RUNX1: variants seen among roughly 807,000 people sequenced by gnomAD.
The protein encoded by RUNX1 is runt-related transcription factor 1.
A neutral mutation model predicts 42.8 loss-of-function variants in RUNX1; 19 were observed. The observed-to-expected ratio is 0.44, with a 90% CI of 0.31 to 0.65. RUNX1 has a LOEUF of 0.65. RUNX1 is among the 30% of genes least tolerant of loss of function. The pLI, the probability that RUNX1 is intolerant of heterozygous loss-of-function variation, is 0.07. For synonymous variants in RUNX1, 271 were observed against 289.4 expected (o/e 0.94, Z 0.64); for missense variants, 528 against 672.0 (o/e 0.79, Z 2.37).
At chr21:34,933,286 T>G (rs1025716122) in intron 2 of RUNX1, among the ~76,000 whole-genome samples, 18 of 152,350 alleles carry the variant, frequency 1.2e-4, no homozygotes, top group South Asian at 8.3e-4. Context: ...TGCGTCCTTG[T>G]TACATGCTAC....
chr21:34,869,833 C>T (rs559638131), intron 5 of RUNX1, among the ~76,000 whole-genome samples: 1 of 152,054 alleles, frequency 6.6e-6, no homozygotes, highest in Non-Finnish European at 1.5e-5. Context: ...TGTAACCCAG[C>T]GACAGGACAA....
rs1006866597 is a variant in RUNX1 at position 34,843,602 on chromosome 21, G to T, written c.614-9001C>A. 2.6e-5 allele frequency among the ~76,000 whole-genome samples: 4 copies of T among 152,154 alleles called. No homozygotes were observed. The highest frequency in any genetic ancestry group is 9.7e-5 in the African/African-American group (4 of 41,424). On this transcript the variant is annotated intron_variant, in intron 6 of 8. Coordinates refer to ENST00000675419, the MANE Select transcript of RUNX1 (RefSeq NM_001754.5). The surrounding 1 kb of genome is among the most constrained non-coding windows in gnomAD (Gnocchi z 4.8). ...CAAGCAACAGTCAATGGACAGGAAA[G>T]GCTGGCCAACGCCAAGGCAAGATCA...
At chr21:34,900,298 G>T (rs1368492428) in intron 2 of RUNX1, among the ~76,000 whole-genome samples, 1 of 152,134 alleles carries the variant, frequency 6.6e-6, no homozygotes, top group Non-Finnish European at 1.5e-5. Flanking sequence ...ATTGCAAGTG[G>T]TCAATACTCA....
intron 2 of RUNX1, among the ~76,000 whole-genome samples, chr21:35,002,226 C>T (rs1047082036): frequency 2.0e-5 from 3 of 151,848 alleles, no homozygotes; most frequent in Non-Finnish European, 4.4e-5. Flanking sequence ...CAGACATTAG[C>T]ATGGCTCCCA....
chr21:34,923,525 A>G (rs914629602), intron 2 of RUNX1, among the ~76,000 whole-genome samples: 12 of 152,212 alleles, frequency 7.9e-5, no homozygotes, highest in African/African-American at 2.9e-4. Context: ...TGTTACTTAA[A>G]AAAAGTCCAA....
intron 3 of RUNX1, chr21:34,889,651 C>G (rs1458866821): frequency 9.0e-7 from 1 of 1,115,624 alleles, no homozygotes; most frequent in South Asian, 2.3e-5. Flanking sequence ...CCCGTGCGCT[C>G]GAGCGGCCCC....
At chr21:34,875,739 C>T (rs1314028205) in intron 5 of RUNX1, among the ~76,000 whole-genome samples, 1 of 152,160 alleles carries the variant, frequency 6.6e-6, no homozygotes, top group African/African-American at 2.4e-5. Flanking sequence ...ACAACCGCTA[C>T]ATAAAGCCAA....
chr21:34,865,566 A>C (rs1336035040), intron 5 of RUNX1, among the ~76,000 whole-genome samples: 1 of 152,174 alleles, frequency 6.6e-6, no homozygotes, highest in African/African-American at 2.4e-5. Context: ...AAGAAGGTCA[A>C]GGGGTGAGTC....
chr21:34,948,606 C>A (rs968072210), intron 2 of RUNX1, among the ~76,000 whole-genome samples: 1 of 152,132 alleles, frequency 6.6e-6, no homozygotes, highest in Admixed American at 6.5e-5. Flanking sequence ...TGATGGTCTA[C>A]CCTTCCCTAA....
rs772880673 is a variant in RUNX1 at position 34,826,434 on chromosome 21, CTTTTTTTTTTT to C, written c.805+7965_805+7975del. ...TAAATTTCTTTTGTTTTCTTTCTTT[CTTTTTTTTTTT>C]TTTTTTTTTTGAGACAGAATCTCAC... On this transcript the variant is annotated intron_variant, in intron 7 of 8. Coordinates refer to ENST00000675419, the MANE Select transcript of RUNX1 (RefSeq NM_001754.5). 1.0e-4 allele frequency among the ~76,000 whole-genome samples: 11 copies of C among 105,350 alleles called. No homozygotes were observed. In the Admixed American group the frequency reaches 1.3e-3, roughly 12 times the overall value. The allele number at this position is 105,350 out of a possible 152,430, so 69.1% of individuals were successfully genotyped here. A position where few individuals can be genotyped will look rare whatever the true frequency, so the allele number is the denominator to read the frequency against.
chr21:34,887,845 G>A (rs2058021194), intron 3 of RUNX1: 2 of 1,064,918 alleles, frequency 1.9e-6, no homozygotes, highest in Non-Finnish European at 2.3e-6. Context: ...GCAGTGCTGA[G>A]CTAGAAGTAC....
intron 2 of RUNX1, among the ~76,000 whole-genome samples, chr21:34,898,156 A>C (rs528334400): frequency 3.9e-5 from 6 of 152,294 alleles, no homozygotes; most frequent in Admixed American, 3.9e-4. Context: ...GCATTCTGCC[A>C]ACTACCTGCA....
At chr21:34,854,239 T>C (rs574110990) in intron 6 of RUNX1, among the ~76,000 whole-genome samples, 1 of 152,364 alleles carries the variant, frequency 6.6e-6, no homozygotes, top group East Asian at 1.9e-4. Flanking sequence ...AGAAGAATTA[T>C]ACTCATATGA....
chr21:34,845,020 A>C (rs924582416), intron 6 of RUNX1, among the ~76,000 whole-genome samples: 1 of 152,218 alleles, frequency 6.6e-6, no homozygotes, highest in African/African-American at 2.4e-5. Flanking sequence ...TGACAGCCTC[A>C]TTCAGGCATC....
chr21:34,908,275 A>G (rs2146511929), intron 2 of RUNX1, among the ~76,000 whole-genome samples: 1 of 152,294 alleles, frequency 6.6e-6, no homozygotes, highest in African/African-American at 2.4e-5. Context: ...ATGAGATGCA[A>G]AAGGGTAACT....
rs147610709 is a variant in RUNX1, at chr21:34,810,732, T to C, written c.806-11270A>G. Among the ~76,000 whole-genome samples, 12 of 152,286 alleles carry C rather than the reference T, an allele frequency of 7.9e-5. No homozygotes were observed. In the East Asian group the frequency reaches 2.3e-3, roughly 29 times the overall value. On this transcript the variant is annotated intron_variant, in intron 7 of 8. Coordinates refer to ENST00000675419, the MANE Select transcript of RUNX1 (RefSeq NM_001754.5). ...GTGAAATGTGCCCCTCTGCCCGATA[T>C]TGTCAATGCAGTAGCTGGCACCTTG...
chr21:34,852,006 A>T (rs1272553815), intron 6 of RUNX1, among the ~76,000 whole-genome samples: 1 of 152,224 alleles, frequency 6.6e-6, no homozygotes, highest in Non-Finnish European at 1.5e-5. Flanking sequence ...ATCTCTACTA[A>T]AAATACAAAA....
chr21:34,861,742 G>C (rs1424425241), intron 5 of RUNX1, among the ~76,000 whole-genome samples: 1 of 152,140 alleles, frequency 6.6e-6, no homozygotes, highest in Non-Finnish European at 1.5e-5. Flanking sequence ...CTTCACCCGA[G>C]TCTTCCTGCC....
At chr21:34,937,550 A>G (rs1298263618) in intron 2 of RUNX1, among the ~76,000 whole-genome samples, 2 of 152,110 alleles carry the variant, frequency 1.3e-5, no homozygotes, top group African/African-American at 2.4e-5. Context: ...GTCACTTTTT[A>G]TGTGAAGTCG....
Sources: allele counts gnomAD v4.1 joint callset (sites outside exome capture counted in the v4.1 genomes callset), GRCh38; gene constraint gnomAD v4.1.1; non-coding constraint Gnocchi (gnomAD v3.1); transcripts MANE v1.5; gene names NCBI Gene and HGNC (gene_info 2026-07-23, HGNC 2026-07-21).